STX6: variants seen among roughly 807,000 people sequenced by gnomAD.
STX6 encodes syntaxin-6.
STX6 carries 23 observed loss-of-function variants against 38.0 expected under a neutral mutation model. The observed-to-expected ratio is 0.60, with a 90% confidence interval of 0.43 to 0.86. The LOEUF (loss-of-function observed/expected upper bound fraction) is 0.86. STX6 is among the 40% of genes least tolerant of loss of function. The pLI, the probability that STX6 is intolerant of heterozygous loss-of-function variation, is 0.00. For synonymous variants in STX6, 123 were observed against 107.5 expected, an observed-to-expected ratio of 1.14 and a Z score of -0.89; for missense variants, 274 against 312.9, an observed-to-expected ratio of 0.88 and a Z score of 0.94.
At chr1:181,006,711 G>A (rs1016377979) in intron 1 of STX6, among the ~76,000 whole-genome samples, 4 of 151,784 alleles carry the variant, frequency 2.6e-5, no homozygotes, top group Admixed American at 6.6e-5. Context: ...GAATTCACAC[G>A]CATCCTATAC....
At chr1:181,022,383 G>C (rs1331598915) in intron 1 of STX6, among the ~76,000 whole-genome samples, 1 of 152,100 alleles carries the variant, frequency 6.6e-6, no homozygotes, top group Non-Finnish European at 1.5e-5. Flanking sequence ...CAAATAAATT[G>C]TACCGCAGCA....
intron 3 of STX6, among the ~76,000 whole-genome samples, chr1:181,000,876 A>C (rs1224395439): frequency 2.9e-5 from 3 of 103,860 alleles, no homozygotes; most frequent in African/African-American, 1.1e-4. Context: ...CTACTACTAC[A>C]AAAAAAAAAA....
At chr1:181,008,081 CTT>C (rs912211297) in intron 1 of STX6, among the ~76,000 whole-genome samples, 8 of 152,168 alleles carry the variant, frequency 5.3e-5, no homozygotes, top group African/African-American at 1.9e-4. Context: ...TGTGGATGTA[CTT>C]TTTTGATAGT....
intron 7 of STX6, among the ~76,000 whole-genome samples, chr1:180,980,222 A>AAC (rs796431767): frequency 2.4e-4 from 37 of 151,196 alleles, no homozygotes; most frequent in African/African-American, 9.0e-4. Flanking sequence ...AAAAAAAAAA[A>AAC]ACACCATGAA....
rs747843812 is a variant in STX6 at position 180,976,639 on chromosome 1, G to A, written c.699C>T (p.Arg233=). The A allele has an allele frequency of 1.9e-6, 3 of 1,613,462 alleles. No homozygotes were observed. The highest frequency in any genetic ancestry group is 2.5e-6 in the Non-Finnish European group (3 of 1,179,990). Residue 233 remains arginine, a synonymous_variant, in exon 8 of 8, where the codon CGC becomes CGT. Coordinates refer to ENST00000258301, the MANE Select transcript of STX6 (RefSeq NM_005819.6). ...AKVSHMTSDR[R]QWCAIAILFA... ...AGAGGATGGCTATGGCACACCATTGGCGCCGATCTGGAAGGCAGGACATGG... is the reference window on the plus strand; with the variant it reads ...AGAGGATGGCTATGGCACACCATTGACGCCGATCTGGAAGGCAGGACATGG...
chr1:181,007,158 T>C (rs539503886), intron 1 of STX6, among the ~76,000 whole-genome samples: 2 of 152,006 alleles, frequency 1.3e-5, no homozygotes, highest in African/African-American at 4.8e-5. Context: ...CTCCACAGGA[T>C]ACCAAATCTG....
chr1:180,980,894 T>C (rs1379873382), intron 7 of STX6, among the ~76,000 whole-genome samples: 1 of 152,158 alleles, frequency 6.6e-6, no homozygotes, highest in Non-Finnish European at 1.5e-5. Flanking sequence ...AGTGGAAACT[T>C]AGATGCACAC....
In STX6 at chr1:180,975,553, C is replaced by G. The variant is rs1171274341; in HGVS notation, c.*1017G>C. The G allele has an allele frequency of 6.6e-6, 1 of 152,572 alleles. No individual in the cohort carries two copies. Among genetic ancestry groups the G allele is most frequent in the Non-Finnish European group, 1.5e-5 (1 of 68,034 alleles). 9.5% of individuals were successfully genotyped at this position (152,572 alleles called of 1,614,324 possible). The stretch of plus-strand genomic sequence containing the variant: ...AGAGTAAGAGAAGTCTGGCCCAGAG[C>G]TAACCTTTTATGTCATTACGTTTCT... On this transcript the variant is annotated 3_prime_UTR_variant, in exon 8 of 8. Transcript: ENST00000258301.
At chr1:181,010,077 G>A (rs1000088599) in intron 1 of STX6, among the ~76,000 whole-genome samples, 5 of 152,144 alleles carry the variant, frequency 3.3e-5, no homozygotes, top group African/African-American at 1.2e-4. Flanking sequence ...CGACATGGGG[G>A]AAGGACCAGA....
chr1:181,005,555 A>C lies in STX6; in HGVS notation c.36-92T>G, dbSNP rs565915103. ...TTTAGGTTAACATTTATGATCATAC[A>C]CCATCCTCAGCAACCACCATTCCCA... On this transcript the variant is annotated intron_variant, in intron 1 of 7. Transcript: ENST00000258301. The C allele has an allele frequency of 2.5e-4, 309 of 1,258,088 alleles. 4 individuals are homozygous for C. The South Asian group carries it at 4.5e-3, about 18-fold the overall frequency. The allele number at this position is 1,258,088 out of a possible 1,614,324, so 77.9% of individuals were successfully genotyped here.
At chr1:180,994,523 C>A (rs1397246579) in intron 3 of STX6, among the ~76,000 whole-genome samples, 1 of 152,208 alleles carries the variant, frequency 6.6e-6, no homozygotes, top group Non-Finnish European at 1.5e-5. Context: ...GTTAAAGATG[C>A]AGTTCCCCTG....
In STX6 at chr1:180,975,527, C is replaced by A. The variant is rs1335900058; in HGVS notation, c.*1043G>T. The A allele has an allele frequency of 2.0e-5, 3 of 152,614 alleles. No homozygotes were observed. The highest frequency in any genetic ancestry group is 4.4e-5 in the Non-Finnish European group (3 of 68,040). 9.5% of individuals were successfully genotyped at this position (152,614 alleles called of 1,614,324 possible). A position where few individuals can be genotyped will look rare whatever the true frequency, so the allele number is the denominator to read the frequency against. On this transcript the variant is annotated 3_prime_UTR_variant, in exon 8 of 8. Coordinates refer to ENST00000258301, the MANE Select transcript of STX6 (RefSeq NM_005819.6). ...ACCTACACATCCTTGCCATTACCCA[C>A]AGAGTAAGAGAAGTCTGGCCCAGAG... is the stretch of plus-strand genomic sequence containing the variant.
intron 7 of STX6, among the ~76,000 whole-genome samples, chr1:180,983,324 C>A (rs1157707604): frequency 6.6e-6 from 1 of 152,180 alleles, no homozygotes; most frequent in African/African-American, 2.4e-5. Flanking sequence ...TGTCAAGAAA[C>A]AGGGCATGTT....
intron 7 of STX6, among the ~76,000 whole-genome samples, chr1:180,981,255 G>A (rs1271965836): frequency 1.3e-5 from 2 of 152,042 alleles, no homozygotes; most frequent in African/African-American, 4.8e-5. Flanking sequence ...AATAGTCAGG[G>A]AAGTTATGCA....
intron 1 of STX6, among the ~76,000 whole-genome samples, chr1:181,011,625 G>C (rs1442730999): frequency 2.6e-5 from 4 of 152,224 alleles, no homozygotes; most frequent in Non-Finnish European, 4.4e-5. Context: ...GGCATTCCAA[G>C]TAAGTCAATT....
At chr1:180,978,182 A>C (rs1172802382) in intron 7 of STX6, among the ~76,000 whole-genome samples, 1 of 152,254 alleles carries the variant, frequency 6.6e-6, no homozygotes, top group Non-Finnish European at 1.5e-5. Flanking sequence ...GAAGCTTAGA[A>C]GTCATCACTC....
At chr1:180,998,180 G>C (rs951988814) in intron 3 of STX6, among the ~76,000 whole-genome samples, 1 of 152,086 alleles carries the variant, frequency 6.6e-6, no homozygotes, top group Non-Finnish European at 1.5e-5. Context: ...CTTTGAGCTT[G>C]CATTATCATA....
Position 180,984,737 on chromosome 1 carries a change from T to C in STX6, c.631A>G (p.Thr211Ala), listed in dbSNP as rs144911336. ...LEDFSHELES[T>A]QSRLDNVMKK... ...ATCACATTGTCCAGCCGGGACTGAG[T>C]GCTCTCCAATTCGTGAGAGAAATCT... Residue 211 changes from threonine (T) to alanine (A), a missense_variant, in exon 7 of 8, where the codon ACT becomes GCT. Physicochemically the swap from Thr to Ala is moderately conservative, Grantham distance 58. Coordinates refer to ENST00000258301, the MANE Select transcript of STX6 (RefSeq NM_005819.6). 1.8e-4 allele frequency: 282 copies of C among 1,595,624 alleles called. No individual in the cohort carries two copies. The highest frequency in any genetic ancestry group is 2.3e-4 in the Non-Finnish European group (265 of 1,163,512).
intron 4 of STX6, among the ~76,000 whole-genome samples, chr1:180,992,496 G>T (rs1655782286): frequency 6.6e-6 from 1 of 152,160 alleles, no homozygotes; most frequent in Non-Finnish European, 1.5e-5. Context: ...TTAATAAAAT[G>T]AGACTAAGGT....
Sources: allele counts gnomAD v4.1 joint callset (sites outside exome capture counted in the v4.1 genomes callset), GRCh38; gene constraint gnomAD v4.1.1; transcripts MANE v1.5; gene names NCBI Gene and HGNC (gene_info 2026-07-23, HGNC 2026-07-21).